IQSEC3: variants seen among roughly 807,000 people sequenced by gnomAD.
IQSEC3 encodes IQ motif and SEC7 domain-containing protein 3.
A neutral mutation model predicts 105.4 loss-of-function variants in IQSEC3; 50 were observed. The ratio of observed to expected loss-of-function variants is 0.47; its 90% CI spans 0.38 to 0.60. The LOEUF (loss-of-function observed/expected upper bound fraction) is 0.60, where lower values mean the gene tolerates loss of function less well. IQSEC3 is among the 20% of genes least tolerant of loss of function. The probability of loss-of-function intolerance (pLI) is 0.00; values close to 1 mark genes in which losing one functional copy is unlikely to be tolerated. For missense variants in IQSEC3, 1,415 were observed against 1,630.0 expected, an observed-to-expected ratio of 0.87 and a Z score of 2.27; for synonymous variants, 708 against 746.0, an observed-to-expected ratio of 0.95 and a Z score of 0.83.
At chr12:163,470 G>A (rs199878354) in intron 8 of IQSEC3, 24 bp from the exon 9 acceptor site, 3 of 1,587,404 alleles carry the variant, frequency 1.9e-6, no homozygotes, top group East Asian at 2.3e-5. Flanking sequence ...GGTCTCTCCC[G>A]CTGAGCGCCC....
At chr12:130,839 G>A (rs1865563700) in intron 3 of IQSEC3, among the ~76,000 whole-genome samples, 1 of 152,224 alleles carries the variant, frequency 6.6e-6, no homozygotes, top group Admixed American at 6.5e-5. Context: ...CAAAGCACCA[G>A]CTTCCCCAGT....
At chr12:160,395 T>C (rs114835152) in intron 7 of IQSEC3, among the ~76,000 whole-genome samples, 240 of 152,224 alleles carry the variant, frequency 1.6e-3, no homozygotes, top group African/African-American at 5.4e-3. Context: ...TCTGGAGATA[T>C]TTTTTTCTTG....
At chr12:168,737 C>T (rs1252587858) in intron 11 of IQSEC3, among the ~76,000 whole-genome samples, 1 of 152,116 alleles carries the variant, frequency 6.6e-6, no homozygotes, top group Non-Finnish European at 1.5e-5. Context: ...GACCCAAACC[C>T]AGGCAGTTCA....
intron 1 of IQSEC3, among the ~76,000 whole-genome samples, chr12:94,772 A>C (rs1864194964): frequency 6.6e-6 from 1 of 152,286 alleles, no homozygotes; most frequent in Non-Finnish European, 1.5e-5. Context: ...AAACAGGGGC[A>C]GGATCAGAAC....
intron 5 of IQSEC3, chr12:148,174 C>T (rs1354561643): frequency 6.6e-6 from 1 of 152,122 alleles, no homozygotes; most frequent in Non-Finnish European, 1.5e-5. Context: ...TCTTAATCCA[C>T]CCACTGTTAT....
chr12:109,522 C>A (rs1864804000), intron 2 of IQSEC3, among the ~76,000 whole-genome samples: 1 of 152,186 alleles, frequency 6.6e-6, no homozygotes, highest in African/African-American at 2.4e-5. Flanking sequence ...CCTTTCTACA[C>A]CCTCCTGACA....
chr12:109,576 G>A (rs1864807496), intron 2 of IQSEC3, among the ~76,000 whole-genome samples: 2 of 151,802 alleles, frequency 1.3e-5, no homozygotes, highest in Admixed American at 1.3e-4. Flanking sequence ...CTATTCCTCA[G>A]GCAGCCTGAT....
At chr12:144,628 C>T (rs1555090474) in intron 5 of IQSEC3, 1 of 152,210 alleles carries the variant, frequency 6.6e-6, no homozygotes. Context: ...TGGTCTGTGT[C>T]TGAGCATCAT....
At chr12:130,135 G>C (rs57371943) in intron 3 of IQSEC3, among the ~76,000 whole-genome samples, 51,448 of 152,054 alleles carry the variant, frequency 0.34, 8,768 homozygotes, top group East Asian at 0.37. Flanking sequence ...CTGCTCTGTC[G>C]CAGGCCCTGT....
chr12:112,964 A>C (rs1230200923), intron 2 of IQSEC3, among the ~76,000 whole-genome samples: 1 of 152,166 alleles, frequency 6.6e-6, no homozygotes, highest in African/African-American at 2.4e-5. Context: ...CAGTTTCAAA[A>C]AGGAGAAGAA....
At chr12:84,167 G>A (rs1217611369) in intron 1 of IQSEC3, among the ~76,000 whole-genome samples, 1 of 152,242 alleles carries the variant, frequency 6.6e-6, no homozygotes, top group Non-Finnish European at 1.5e-5. Flanking sequence ...GGAACAGAAA[G>A]GCTGGTGGCA....
intron 4 of IQSEC3, 177 bp downstream of exon 4, chr12:139,531 A>G: frequency 2.2e-6 from 1 of 455,664 alleles, no homozygotes; most frequent in Non-Finnish European, 3.9e-6. Flanking sequence ...TAGGAAGTAC[A>G]TATTTTATTT....
At chr12:79,294 G>C (rs1863665833) in intron 1 of IQSEC3, among the ~76,000 whole-genome samples, 1 of 152,110 alleles carries the variant, frequency 6.6e-6, no homozygotes, top group African/African-American at 2.4e-5. Flanking sequence ...AGCCACAGAT[G>C]GGACCTATCA....
chr12:93,981 G>A (rs1403933516), intron 1 of IQSEC3, among the ~76,000 whole-genome samples: 1 of 152,232 alleles, frequency 6.6e-6, no homozygotes, highest in Non-Finnish European at 1.5e-5. Context: ...AGATGCTGCA[G>A]CCATGCCTCT....
intron 1 of IQSEC3, among the ~76,000 whole-genome samples, chr12:86,986 A>C (rs1863937456): frequency 6.6e-6 from 1 of 151,796 alleles, no homozygotes; most frequent in Admixed American, 6.6e-5. Context: ...TCCTTCCCCA[A>C]AGTGTTCTGT....
At chr12:140,725 G>A (rs1418539298) in intron 4 of IQSEC3, 4 of 181,330 alleles carry the variant, frequency 2.2e-5, no homozygotes, top group Non-Finnish European at 4.6e-5. Context: ...AGCTTGCAAA[G>A]GGAAGAGGTG....
In IQSEC3 at chr12:66,786, G is replaced by C. The variant is rs1362240031; in HGVS notation, c.-97G>C. The C allele has an allele frequency of 8.8e-7, 1 of 1,138,386 alleles. No individual in the cohort carries two copies. The highest frequency in any genetic ancestry group is 3.1e-5 in the South Asian group (1 of 31,964). 70.5% of individuals were successfully genotyped at this position (1,138,386 alleles called of 1,614,324 possible). On this transcript the variant is annotated 5_prime_UTR_variant, in exon 1 of 14. Transcript: ENST00000538872. Reference sequence around the variant, plus strand: ...GGAGGGAGGCTGGGCCGGTGGGAGAGGGAGGCGAGCCGACCGCTGGGCTGC... The same window carrying C: ...GGAGGGAGGCTGGGCCGGTGGGAGACGGAGGCGAGCCGACCGCTGGGCTGC...
chr12:97,849 A>G (rs1864287293), intron 1 of IQSEC3, among the ~76,000 whole-genome samples: 1 of 152,214 alleles, frequency 6.6e-6, no homozygotes, highest in African/African-American at 2.4e-5. Context: ...TCTTCCATGC[A>G]GATAGCCAAA....
intron 3 of IQSEC3, 48 bp downstream of exon 3, chr12:125,960 G>GC (rs71045044): frequency 0.18 from 274,834 of 1,506,734 alleles, 26,703 homozygotes; most frequent in African/African-American, 0.31. Flanking sequence ...AAGGGGCCCT[G>GC]CTTTGGGGGC....
Sources: gnomAD v4.1 joint callset for allele counts (sites outside exome capture counted in the v4.1 genomes callset) on GRCh38, gnomAD v4.1.1 for gene constraint, MANE v1.5 for transcripts, NCBI Gene and HGNC (gene_info 2026-07-23, HGNC 2026-07-21) for gene names.